The following CRYM variants were observed in gnomAD, a reference collection of about 807,000 sequenced individuals.
CRYM encodes ketimine reductase mu-crystallin.
In CRYM, 18 loss-of-function variants were observed where a neutral mutation model predicts 32.9. That is an observed-to-expected ratio of 0.55 (90% CI 0.38 to 0.81). The LOEUF (loss-of-function observed/expected upper bound fraction) is 0.81. Ranked by LOEUF, CRYM falls within the 30% of genes least tolerant of loss-of-function variation. The probability of loss-of-function intolerance (pLI) is 0.00; values close to 1 mark genes in which losing one functional copy is unlikely to be tolerated. For missense variants in CRYM, 337 were observed against 393.5 expected (o/e 0.86, Z 1.21); for synonymous variants, 153 against 152.4 (o/e 1.00, Z -0.03).
chr16:21,297,328 G>A (rs762586389), intron 1 of CRYM, among the ~76,000 whole-genome samples: 8 of 151,994 alleles, frequency 5.3e-5, no homozygotes, highest in Non-Finnish European at 8.8e-5. Flanking sequence ...GGGAGGCAGA[G>A]GTTACAGAGA....
chr16:21,261,427 G>A, intron 6 of CRYM, 89 bp from the exon 7 acceptor site: 1 of 797,494 alleles, frequency 1.3e-6, no homozygotes, highest in South Asian at 1.5e-5. Flanking sequence ...TTCCTGAATT[G>A]GATAAGAGAT....
At chr16:21,294,585 G>A (rs1960746446) in intron 1 of CRYM, among the ~76,000 whole-genome samples, 1 of 151,756 alleles carries the variant, frequency 6.6e-6, no homozygotes, top group African/African-American at 2.4e-5. Flanking sequence ...TCCCACTTAT[G>A]AGTGAGAACA....
At chr16:21,270,627 C>T (rs1489306873) in intron 3 of CRYM, among the ~76,000 whole-genome samples, 1 of 152,290 alleles carries the variant, frequency 6.6e-6, no homozygotes, top group Non-Finnish European at 1.5e-5. Flanking sequence ...TCTAAAGTCA[C>T]GTCTTCCATA....
chr16:21,262,301 C>G, intron 5 of CRYM, 143 bp from the exon 6 acceptor site: 1 of 986,810 alleles, frequency 1.0e-6, no homozygotes, highest in Non-Finnish European at 1.6e-6. Flanking sequence ...GCCATGCTCT[C>G]CCAATCAGTA....
intron 3 of CRYM, among the ~76,000 whole-genome samples, chr16:21,272,602 C>T (rs1370670355): frequency 6.6e-6 from 1 of 152,100 alleles, no homozygotes; most frequent in Admixed American, 6.5e-5. Context: ...TACTGCTTTA[C>T]ACTCTTACAG....
chr16:21,302,051 A>G (rs185094669), intron 1 of CRYM, among the ~76,000 whole-genome samples: 1 of 152,224 alleles, frequency 6.6e-6, no homozygotes, highest in Non-Finnish European at 1.5e-5. Flanking sequence ...TCCTCCAGAG[A>G]CTTCCTCATC....
At chr16:21,295,390 T>C (rs914572386) in intron 1 of CRYM, among the ~76,000 whole-genome samples, 2 of 152,232 alleles carry the variant, frequency 1.3e-5, no homozygotes, top group Admixed American at 1.3e-4. Flanking sequence ...TGGTATCTCA[T>C]TATGGTTTTG....
intron 1 of CRYM, chr16:21,284,250 A>G (rs1850708066): frequency 6.6e-6 from 1 of 152,002 alleles, no homozygotes; most frequent in African/African-American, 2.4e-5. Context: ...TACGCGTCTC[A>G]TCAGTAATGC....
upstream of CRYM, among the ~76,000 whole-genome samples, chr16:21,282,025 C>T (rs577755799): frequency 6.6e-6 from 1 of 152,346 alleles, no homozygotes; most frequent in African/African-American, 2.4e-5. Context: ...CTTCTTATAG[C>T]TCCCATAATT....
intron 3 of CRYM, among the ~76,000 whole-genome samples, 175 bp downstream of exon 3, chr16:21,275,357 C>G (rs537064157): frequency 1.3e-5 from 2 of 152,318 alleles, no homozygotes; most frequent in Admixed American, 6.5e-5. Flanking sequence ...GTCATGCACA[C>G]TAATTGGTAG....
At chr16:21,273,961 G>A (rs545069076) in intron 3 of CRYM, among the ~76,000 whole-genome samples, 6 of 152,230 alleles carry the variant, frequency 3.9e-5, no homozygotes, top group African/African-American at 7.2e-5. Context: ...TACTCCCTTC[G>A]CATACAATTA....
intron 1 of CRYM, among the ~76,000 whole-genome samples, chr16:21,292,153 TC>T (rs1960672996): frequency 6.6e-6 from 1 of 152,070 alleles, no homozygotes; most frequent in South Asian, 2.1e-4. Context: ...GAATGGGTAA[TC>T]AAACTGTGAA....
intron 3 of CRYM, among the ~76,000 whole-genome samples, chr16:21,274,176 CCT>C (rs1005340352): frequency 1.9e-4 from 29 of 152,300 alleles, no homozygotes; most frequent in African/African-American, 7.0e-4. Flanking sequence ...CCACAGACAC[CCT>C]GTTTCCTAAG....
chr16:21,273,500 A>G (rs1478744488), intron 3 of CRYM, among the ~76,000 whole-genome samples: 1 of 152,188 alleles, frequency 6.6e-6, no homozygotes, highest in Non-Finnish European at 1.5e-5. Context: ...GGCTGGGTCT[A>G]CAAAAGTGTG....
At chr16:21,275,441 G>A (rs1258529516) in intron 3 of CRYM, 91 bp downstream of exon 3, 13 of 1,168,440 alleles carry the variant, frequency 1.1e-5, no homozygotes, top group South Asian at 5.0e-5. Context: ...ACCAAAATAA[G>A]TTCCCCACTT....
chr16:21,278,407 T>A, upstream of CRYM: 1 of 881,628 alleles, frequency 1.1e-6, no homozygotes, highest in Non-Finnish European at 1.8e-6. Context: ...CCGCCAGCCC[T>A]CTCCTCCCCC....
rs562236698 is a variant in CRYM at position 21,289,187 on chromosome 16, C to A, written c.-192-10227G>T. On this transcript the variant is annotated intron_variant, in intron 1 of 9. Coordinates refer to the CRYM transcript ENST00000219599. ...ATAATTATTTAAAGTGGGGTATTGA[C>A]ATCTCCAACTACTATTGTTGAAAGC... 9.2e-5 allele frequency among the ~76,000 whole-genome samples: 14 copies of A among 152,232 alleles called. No homozygotes were observed. The South Asian group carries it at 2.7e-3, about 29-fold the overall frequency.
chr16:21,283,618 T>C (rs2093401915), intron 1 of CRYM: 1 of 150,054 alleles, frequency 6.7e-6, no homozygotes, highest in South Asian at 2.1e-4. Flanking sequence ...ATGAAGTATC[T>C]CGGAAGCCGG....
At chr16:21,284,074 G>A (rs1354151155) in intron 1 of CRYM, 1 of 152,124 alleles carries the variant, frequency 6.6e-6, no homozygotes, top group Non-Finnish European at 1.5e-5. Flanking sequence ...TGGTCGGCGC[G>A]CGGAGCTCGA....
Sources: gnomAD v4.1 joint callset for allele counts (sites outside exome capture counted in the v4.1 genomes callset) on GRCh38, gnomAD v4.1.1 for gene constraint, MANE v1.5 for transcripts, NCBI Gene and HGNC (gene_info 2026-07-23, HGNC 2026-07-21) for gene names.